Variants in DPRX observed in about 807,000 individuals in gnomAD.
DPRX encodes the protein divergent paired-related homeobox.
DPRX carries 11 observed loss-of-function variants against 8.4 expected under a neutral mutation model. The observed-to-expected ratio is 1.31, with a 90% CI of 0.82 to 2.17. DPRX has a LOEUF of 2.17. Among genes scored for constraint, DPRX ranks in the 30% most tolerant of loss-of-function variants. The probability of loss-of-function intolerance (pLI) is 0.00; values close to 1 mark genes in which losing one functional copy is unlikely to be tolerated. For missense variants in DPRX, 211 were observed against 236.7 expected (o/e 0.89, Z 0.71); for synonymous variants, 72 against 87.0 (o/e 0.83, Z 0.96).
upstream of DPRX, among the ~76,000 whole-genome samples, chr19:53,628,851 G>C (rs1482822463): frequency 6.6e-6 from 1 of 151,574 alleles, no homozygotes; most frequent in Non-Finnish European, 1.5e-5. Flanking sequence ...GGCCTCTCAA[G>C]TGCTGGGATT....
the DPRX span, among the ~76,000 whole-genome samples, chr19:53,607,811 ACCGAAATTTGGC>A: frequency 6.7e-6 from 1 of 149,908 alleles, no homozygotes; most frequent in Admixed American, 6.7e-5. Context: ...AAATTGTGCG[ACCGAAATTTGGC>A]CTGGGCGACA....
At chr19:53,607,292 C>T in the DPRX span, among the ~76,000 whole-genome samples, 4 of 152,230 alleles carry the variant, frequency 2.6e-5, no homozygotes, top group Admixed American at 2.6e-4. Flanking sequence ...GTTGCAATGG[C>T]TCACGCCTAT....
chr19:53,601,733 T>C, the DPRX span, among the ~76,000 whole-genome samples: 4 of 152,008 alleles, frequency 2.6e-5, no homozygotes, highest in African/African-American at 7.2e-5. Context: ...CCACCCGCCT[T>C]GGCCTCCCAA....
chr19:53,615,022 T>A, the DPRX span, among the ~76,000 whole-genome samples: 2 of 152,038 alleles, frequency 1.3e-5, no homozygotes, highest in Non-Finnish European at 2.9e-5. Context: ...TTGTGGGTGT[T>A]TAATTTGTAA....
At chr19:53,617,832 GTTT>G in the DPRX span, among the ~76,000 whole-genome samples, 1 of 151,918 alleles carries the variant, frequency 6.6e-6, no homozygotes, top group African/African-American at 2.4e-5. Flanking sequence ...TTTCTTCTTA[GTTT>G]TTTATTTCTT....
intron 1 of DPRX, among the ~76,000 whole-genome samples, chr19:53,632,796 CAAATCCG>C (rs2091098202): frequency 6.6e-6 from 1 of 152,150 alleles, no homozygotes; most frequent in African/African-American, 2.4e-5. Context: ...TTTCTGCCTT[CAAATCCG>C]AAATCTTCTC....
upstream of DPRX, among the ~76,000 whole-genome samples, chr19:53,631,344 A>C (rs1255891490): frequency 6.6e-6 from 1 of 152,024 alleles, no homozygotes; most frequent in East Asian, 2.0e-4. Context: ...AGTTAACTAA[A>C]TCAGGATATG....
At chr19:53,631,736 G>T (rs1339324736), upstream of DPRX, among the ~76,000 whole-genome samples, 2 of 151,988 alleles carry the variant, frequency 1.3e-5, no homozygotes, top group Admixed American at 6.6e-5. Context: ...CTCCAGCCTG[G>T]GTGACAGAGT....
the DPRX span, among the ~76,000 whole-genome samples, chr19:53,626,363 G>A: frequency 0.052 from 7,971 of 152,146 alleles, 295 homozygotes; most frequent in African/African-American, 0.094. Context: ...ACAGGCATAA[G>A]CCACCACGCC....
At chr19:53,620,303 T>C in the DPRX span, among the ~76,000 whole-genome samples, 1 of 151,900 alleles carries the variant, frequency 6.6e-6, no homozygotes, top group Non-Finnish European at 1.5e-5. Context: ...TCTCCTGACC[T>C]CATGATCCGC....
the DPRX span, chr19:53,617,379 TA>T: frequency 2.2e-6 from 1 of 445,354 alleles, no homozygotes. Context: ...GGCAACATGG[TA>T]AAACCCCATC....
the DPRX span, among the ~76,000 whole-genome samples, chr19:53,607,424 G>A: frequency 6.6e-6 from 1 of 152,090 alleles, no homozygotes; most frequent in African/African-American, 2.4e-5. Flanking sequence ...TAGGTGTGGT[G>A]GTGCACACCT....
At chr19:53,629,589 G>GA (rs1797589021), upstream of DPRX, 2 of 150,438 alleles carry the variant, frequency 1.3e-5, no homozygotes, top group African/African-American at 4.9e-5. Context: ...TAAATCCAGA[G>GA]AAACAGACGG....
At chr19:53,633,444 T>C (rs1043103938) in intron 1 of DPRX, among the ~76,000 whole-genome samples, 1 of 152,192 alleles carries the variant, frequency 6.6e-6, no homozygotes, top group Non-Finnish European at 1.5e-5. Context: ...TGCCTATTTC[T>C]ACACAAAGAA....
At chr19:53,608,953 C>CA in the DPRX span, among the ~76,000 whole-genome samples, 337 of 76,850 alleles carry the variant, frequency 4.4e-3, 8 homozygotes, top group Middle Eastern at 0.017. Flanking sequence ...GAGACTCCGT[C>CA]AAAAAAAAAA....
chr19:53,609,592 A>G, the DPRX span, among the ~76,000 whole-genome samples: 2 of 151,276 alleles, frequency 1.3e-5, no homozygotes. Flanking sequence ...CCGGCTGGCC[A>G]CCGTGGCTCA....
chr19:53,612,205 A>G, the DPRX span, among the ~76,000 whole-genome samples: 10 of 151,872 alleles, frequency 6.6e-5, no homozygotes, highest in African/African-American at 2.4e-4. Context: ...GAAACATAGG[A>G]AGACCCCATC....
chr19:53,614,095 T>C, the DPRX span, among the ~76,000 whole-genome samples: 1 of 151,872 alleles, frequency 6.6e-6, no homozygotes, highest in Non-Finnish European at 1.5e-5. Flanking sequence ...GGACTACAGG[T>C]GCACACCACC....
the DPRX span, among the ~76,000 whole-genome samples, chr19:53,620,360 T>C: frequency 2.3e-3 from 342 of 147,434 alleles, 3 homozygotes; most frequent in African/African-American, 6.4e-3. Flanking sequence ...TGAGCCACCG[T>C]ACCCGGCCTA....
Sources: allele counts gnomAD v4.1 joint callset (sites outside exome capture counted in the v4.1 genomes callset), GRCh38; gene constraint gnomAD v4.1.1; transcripts MANE v1.5; gene names NCBI Gene and HGNC (gene_info 2026-07-23, HGNC 2026-07-21).